The following EPHB1 variants were observed in gnomAD, a reference collection of about 807,000 sequenced individuals.
EPHB1 encodes the protein EPH receptor B1.
In EPHB1, 30 loss-of-function variants were observed where a neutral mutation model predicts 94.4. That is an observed-to-expected ratio of 0.32 (90% CI 0.24 to 0.43). The LOEUF (loss-of-function observed/expected upper bound fraction) is 0.43, where lower values mean the gene tolerates loss of function less well. Ranked by LOEUF, EPHB1 falls within the 20% of genes least tolerant of loss-of-function variation. EPHB1 has a pLI of 1.00. For synonymous variants in EPHB1, 522 were observed against 489.1 expected (o/e 1.07, Z -0.89); for missense variants, 1,055 against 1,308.3 (o/e 0.81, Z 2.99).
rs114435181 is a variant in EPHB1 at position 135,179,749 on chromosome 3, T to A, written c.1760-111T>A. ...GAGGCAGAGAAAAGTTGCAGCCTGG[T>A]GTGTAGGAGAGCTCCTCCCAGGAAT... is the stretch of plus-strand genomic sequence containing the variant. On this transcript the variant is annotated intron_variant, in intron 9 of 15. Transcript: ENST00000398015. The A allele has an allele frequency of 2.3e-6, 3 of 1,301,028 alleles. No homozygotes were observed. In the East Asian group the frequency reaches 7.2e-5, roughly 31 times the overall value. 80.6% of individuals were successfully genotyped at this position (1,301,028 alleles called of 1,614,324 possible). A position where few individuals can be genotyped will look rare whatever the true frequency, so the allele number is the denominator to read the frequency against.
chr3:134,864,860 GT>G (rs1420908984), intron 1 of EPHB1, among the ~76,000 whole-genome samples: 1 of 152,234 alleles, frequency 6.6e-6, no homozygotes, highest in Non-Finnish European at 1.5e-5. Context: ...CCACAGGGCT[GT>G]CCCGGAGTGG....
At chr3:135,096,509 G>A (rs576078771) in intron 3 of EPHB1, among the ~76,000 whole-genome samples, 10 of 152,180 alleles carry the variant, frequency 6.6e-5, no homozygotes, top group Non-Finnish European at 1.5e-4. Flanking sequence ...TTCCCAGGTG[G>A]CACTGATGCT....
chr3:135,077,689 A>G (rs144005805), intron 3 of EPHB1, among the ~76,000 whole-genome samples: 30 of 152,334 alleles, frequency 2.0e-4, no homozygotes, highest in African/African-American at 7.2e-4. Context: ...TGAGATGCAT[A>G]CATGGCACAT....
At chr3:135,021,251 A>G (rs1935978462) in intron 3 of EPHB1, among the ~76,000 whole-genome samples, 1 of 152,152 alleles carries the variant, frequency 6.6e-6, no homozygotes, top group Admixed American at 6.5e-5. Context: ...ACAGCTGCCA[A>G]TAATTTTATT....
chr3:134,993,707 CT>C (rs1205532211), intron 3 of EPHB1, among the ~76,000 whole-genome samples: 2 of 152,196 alleles, frequency 1.3e-5, no homozygotes. Context: ...TATGAGCCTC[CT>C]TTTTGGAAAA....
intron 3 of EPHB1, among the ~76,000 whole-genome samples, chr3:135,058,807 C>T (rs545201714): frequency 2.1e-4 from 32 of 152,274 alleles, no homozygotes; most frequent in African/African-American, 7.5e-4. Flanking sequence ...TACAGATGAG[C>T]GGCTTGTAGG....
intron 14 of EPHB1, among the ~76,000 whole-genome samples, chr3:135,248,951 A>G (rs903917768): frequency 6.6e-6 from 1 of 152,070 alleles, no homozygotes; most frequent in African/African-American, 2.4e-5. Flanking sequence ...TAGGAAAAAC[A>G]ATGTTACCAA....
intron 1 of EPHB1, among the ~76,000 whole-genome samples, chr3:134,876,199 C>T (rs1445388294): frequency 1.3e-5 from 2 of 152,170 alleles, no homozygotes; most frequent in South Asian, 2.1e-4. Context: ...AGGTTAAACT[C>T]ACCAGTGATG....
chr3:135,218,840 C>G (rs907680627), intron 12 of EPHB1, among the ~76,000 whole-genome samples: 1 of 152,198 alleles, frequency 6.6e-6, no homozygotes, highest in Admixed American at 6.5e-5. Flanking sequence ...GGCGGAGAAG[C>G]ATATATCAAG....
intron 3 of EPHB1, among the ~76,000 whole-genome samples, chr3:135,031,578 G>A (rs1311192443): frequency 2.6e-5 from 4 of 152,164 alleles, no homozygotes; most frequent in Non-Finnish European, 4.4e-5. Flanking sequence ...CCAAATTGCC[G>A]GGGTTATAGG....
intron 3 of EPHB1, among the ~76,000 whole-genome samples, chr3:134,990,729 C>T (rs1398376276): frequency 6.6e-6 from 1 of 152,100 alleles, no homozygotes; most frequent in Non-Finnish European, 1.5e-5. Flanking sequence ...ACTTGTGGTA[C>T]CTACTACACT....
chr3:134,972,254 G>C (rs1250650912), intron 3 of EPHB1, among the ~76,000 whole-genome samples: 3 of 151,632 alleles, frequency 2.0e-5, no homozygotes, highest in African/African-American at 7.3e-5. Context: ...TCCTTGCTAT[G>C]AGTCAATGCT....
chr3:134,924,179 C>T (rs2038744201), intron 1 of EPHB1, among the ~76,000 whole-genome samples: 1 of 152,130 alleles, frequency 6.6e-6, no homozygotes, highest in Admixed American at 6.5e-5. Flanking sequence ...ATCTTTGTGA[C>T]CTTGGGTTAG....
At chr3:135,252,355 TCCCTCCC>T (rs1313814550) in intron 15 of EPHB1, among the ~76,000 whole-genome samples, 11 of 105,896 alleles carry the variant, frequency 1.0e-4, no homozygotes, top group Non-Finnish European at 1.3e-4. Context: ...CCCAATGCTA[TCCCTCCC>T]CCCTCCCCCC....
chr3:134,951,299 A>G lies in EPHB1; in HGVS notation c.124-72A>G. On this transcript the variant is annotated intron_variant, in intron 2 of 15. Coordinates refer to ENST00000398015, the MANE Select transcript of EPHB1 (RefSeq NM_004441.5). The surrounding 1 kb of genome is among the most constrained non-coding windows in gnomAD (Gnocchi z 4.5). ...CTTAGCCCCAGGATTCTCCTCTGCT[A>G]TGCCTATTTTTGTATTCTCACTCTC... is the stretch of plus-strand genomic sequence containing the variant. 7.3e-7 allele frequency: 1 copy of G among 1,377,034 alleles called. No homozygotes were observed. 85.3% of individuals were successfully genotyped at this position (1,377,034 alleles called of 1,614,324 possible).
chr3:135,064,796 G>C (rs1937560106), intron 3 of EPHB1, among the ~76,000 whole-genome samples: 1 of 152,022 alleles, frequency 6.6e-6, no homozygotes, highest in Non-Finnish European at 1.5e-5. Context: ...CGTAACCTTA[G>C]AATGTCAGTT....
At chr3:134,958,051 CTTCCTGGCTGCTTCTTCA>C (rs1032627988) in intron 3 of EPHB1, among the ~76,000 whole-genome samples, 2 of 152,194 alleles carry the variant, frequency 1.3e-5, no homozygotes, top group African/African-American at 4.8e-5. Flanking sequence ...CTGTCCTCTC[CTTCCTGGCTGCTTCTTCA>C]TTCCTCCGCC....
chr3:135,076,191 T>C (rs1255822796), intron 3 of EPHB1, among the ~76,000 whole-genome samples: 2 of 149,812 alleles, frequency 1.3e-5, no homozygotes, highest in Non-Finnish European at 2.9e-5. Context: ...CATTGGTAAA[T>C]TGGATTCGAG....
intron 12 of EPHB1, among the ~76,000 whole-genome samples, chr3:135,210,722 C>T (rs989592117): frequency 6.6e-5 from 10 of 152,186 alleles, no homozygotes; most frequent in Non-Finnish European, 1.3e-4. Flanking sequence ...CCTTCCATCT[C>T]GTTCTCCAGA....
Sources: gnomAD v4.1 joint callset for allele counts (sites outside exome capture counted in the v4.1 genomes callset) on GRCh38, gnomAD v4.1.1 for gene constraint, Gnocchi (gnomAD v3.1) non-coding constraint, MANE v1.5 for transcripts, NCBI Gene and HGNC (gene_info 2026-07-23, HGNC 2026-07-21) for gene names.